MAP2K3: variants seen among roughly 807,000 people sequenced by gnomAD.
MAP2K3 encodes dual specificity mitogen-activated protein kinase kinase 3.
A neutral mutation model predicts 46.4 loss-of-function variants in MAP2K3; 30 were observed. The ratio of observed to expected loss-of-function variants is 0.65; its 90% CI spans 0.48 to 0.88. The LOEUF is 0.88. MAP2K3 is among the 40% of genes least tolerant of loss of function. The pLI, the probability that MAP2K3 is intolerant of heterozygous loss-of-function variation, is 0.00. For missense variants in MAP2K3, 380 were observed against 464.5 expected, an observed-to-expected ratio of 0.82 and a Z score of 1.67; for synonymous variants, 189 against 176.3, an observed-to-expected ratio of 1.07 and a Z score of -0.57.
rs1345199603 is a variant in MAP2K3 at position 21,309,910 on chromosome 17, T to G, written c.775-2232T>G. 2.0e-5 allele frequency among the ~76,000 whole-genome samples: 3 copies of G among 152,270 alleles called. No homozygotes were observed. The East Asian group carries it at 5.8e-4, about 29-fold the overall frequency. On this transcript the variant is annotated intron_variant, in intron 9 of 11. Coordinates refer to ENST00000342679, the MANE Select transcript of MAP2K3 (RefSeq NM_145109.3). The stretch of plus-strand genomic sequence containing the variant: ...TGAGCCACTGCGCCTGGCCTCGTAA[T>G]GCTTCTTTTTAAAAAACTTTTTAAA...
intron 9 of MAP2K3, among the ~76,000 whole-genome samples, chr17:21,308,459 C>T (rs543949974): frequency 1.1e-4 from 17 of 152,380 alleles, no homozygotes; most frequent in South Asian, 4.1e-4. Context: ...TGAGCCACTG[C>T]GCCTGGCCTG....
chr17:21,304,653 G>A (rs1976793962), intron 8 of MAP2K3, 100 bp downstream of exon 8: 19 of 1,556,562 alleles, frequency 1.2e-5, no homozygotes, highest in East Asian at 2.4e-5. Context: ...CGTAGGGGCA[G>A]AGCCTCCCCA....
At chr17:21,292,961 G>C (rs540772505) in intron 1 of MAP2K3, among the ~76,000 whole-genome samples, 1 of 152,430 alleles carries the variant, frequency 6.6e-6, no homozygotes, top group Non-Finnish European at 1.5e-5. Context: ...GCAGCATGGA[G>C]ATCACATTAG....
intron 1 of MAP2K3, among the ~76,000 whole-genome samples, chr17:21,286,959 T>C (rs1441065586): frequency 6.6e-6 from 1 of 152,214 alleles, no homozygotes; most frequent in African/African-American, 2.4e-5. Flanking sequence ...TTTTTTTCCA[T>C]GTGCCATGCA....
At chr17:21,302,284 G>A (rs758777832) in intron 6 of MAP2K3, 25 bp downstream of exon 6, 1 of 1,600,098 alleles carries the variant, frequency 6.2e-7, no homozygotes, top group Non-Finnish European at 8.6e-7. Context: ...TGGGCTGGCG[G>A]GGGGTCCTAG....
At chr17:21,313,415 TG>T in intron 10 of MAP2K3, 76 bp from the exon 11 acceptor site, 1 of 1,244,122 alleles carries the variant, frequency 8.0e-7, no homozygotes, top group Non-Finnish European at 1.2e-6. Flanking sequence ...GGGGCAATCC[TG>T]GGGTGGTTTG....
intron 8 of MAP2K3, among the ~76,000 whole-genome samples, 178 bp downstream of exon 8, chr17:21,304,731 G>A (rs4986017): frequency 2.4e-4 from 37 of 152,384 alleles, no homozygotes; most frequent in African/African-American, 3.4e-4. Flanking sequence ...TCTGTACCCC[G>A]TTGTTAACTG....
intron 1 of MAP2K3, among the ~76,000 whole-genome samples, chr17:21,293,201 C>G (rs1164113447): frequency 2.6e-5 from 4 of 152,254 alleles, no homozygotes; most frequent in Non-Finnish European, 5.9e-5. Context: ...CCGGTGAGGT[C>G]TGGCCATGGG....
chr17:21,302,454 C>G, intron 6 of MAP2K3, among the ~76,000 whole-genome samples, 195 bp downstream of exon 6: 1 of 152,428 alleles, frequency 6.6e-6, no homozygotes, highest in Admixed American at 6.5e-5. Context: ...GCTTAGGAGA[C>G]CTCCGCTCCT....
intron 1 of MAP2K3, chr17:21,291,370 A>ACACAACACAACACAACACAACACAG: frequency 2.3e-6 from 1 of 435,880 alleles, no homozygotes; most frequent in South Asian, 1.7e-5. Flanking sequence ...ACACAACACA[A>ACACAACACAACACAACACAACACAG]CACAACACGT....
chr17:21,293,369 C>T (rs1976053751), intron 1 of MAP2K3, among the ~76,000 whole-genome samples: 2 of 152,312 alleles, frequency 1.3e-5, no homozygotes, highest in Non-Finnish European at 2.9e-5. Context: ...GTCCTTCCCT[C>T]CAAAGCACAA....
In MAP2K3 at chr17:21,298,884, C is replaced by G. The variant is rs774690569; in HGVS notation, c.123C>G (p.Pro41=). ...GAGTCTTCTTTCTCCACAGACCCCC[C>G]CGGAACCTGGACTCCCGGACCTTCA... is the stretch of plus-strand genomic sequence containing the variant. The part of the protein sequence containing the change: ...SKPPAPNPTP[P]RNLDSRTFIT... Residue 41 remains proline (P), a synonymous_variant, in exon 3 of 12, where the codon CCC becomes CCG. Transcript: ENST00000342679. The G allele has an allele frequency of 6.2e-7, 1 of 1,614,306 alleles. No individual in the cohort carries two copies. The highest frequency in any genetic ancestry group is 8.5e-7 in the Non-Finnish European group (1 of 1,180,058).
At chr17:21,294,929 T>G (rs1038890947) in intron 1 of MAP2K3, among the ~76,000 whole-genome samples, 5 of 152,302 alleles carry the variant, frequency 3.3e-5, no homozygotes. Context: ...CCAGAGTGAG[T>G]GCTCACAGGT....
chr17:21,300,543 A>G lies in MAP2K3; in HGVS notation c.166-2A>G, dbSNP rs2144569907. 1 of 1,606,892 alleles carries G rather than the reference A, an allele frequency of 6.2e-7. No homozygotes were observed. Among genetic ancestry groups the G allele is most frequent in the Non-Finnish European group, 8.5e-7 (1 of 1,176,750 alleles). ...CACTGACTCTCTTTTCCATCCTTCA[A>G]GAACTTTGAGGTGGAGGCTGATGAC... On this transcript the variant is annotated splice_acceptor_variant, in intron 3 of 11. Transcript: ENST00000342679. LOFTEE classifies it high-confidence loss of function.
intron 4 of MAP2K3, 55 bp downstream of exon 4, chr17:21,300,713 T>C (rs1976547476): frequency 9.6e-5 from 153 of 1,595,250 alleles, no homozygotes; most frequent in Non-Finnish European, 9.4e-6. Flanking sequence ...CGGGCTGAGC[T>C]CTGCCATGGG....
chr17:21,307,096 T>C (rs1976924853), intron 9 of MAP2K3, among the ~76,000 whole-genome samples: 1 of 152,310 alleles, frequency 6.6e-6, no homozygotes, highest in Non-Finnish European at 1.5e-5. Flanking sequence ...AAAGTTTTTA[T>C]AGAGCACAGT....
chr17:21,297,366 G>C (rs1976316463), intron 1 of MAP2K3, among the ~76,000 whole-genome samples: 1 of 152,310 alleles, frequency 6.6e-6, no homozygotes, highest in African/African-American at 2.4e-5. Context: ...CGGGTGGTGG[G>C]TGAGGGCCAA....
chr17:21,305,524 C>T (rs1657692), intron 9 of MAP2K3, among the ~76,000 whole-genome samples: 1 of 152,246 alleles, frequency 6.6e-6, no homozygotes, highest in Non-Finnish European at 1.5e-5. Flanking sequence ...TGGTACATTG[C>T]GGTGGGGTGG....
At chr17:21,306,740 C>T (rs1254164027) in intron 9 of MAP2K3, among the ~76,000 whole-genome samples, 8 of 152,220 alleles carry the variant, frequency 5.3e-5, no homozygotes, top group East Asian at 3.8e-4. Flanking sequence ...GCCTCAGACT[C>T]GCAAAGTGCT....
Sources: gnomAD v4.1 joint callset for allele counts (sites outside exome capture counted in the v4.1 genomes callset) on GRCh38, gnomAD v4.1.1 for gene constraint, MANE v1.5 for transcripts, NCBI Gene and HGNC (gene_info 2026-07-23, HGNC 2026-07-21) for gene names.